MACROD2: variants seen among roughly 807,000 people sequenced by gnomAD.
MACROD2 encodes ADP-ribose glycohydrolase MACROD2.
In MACROD2, 36 loss-of-function variants were observed where a neutral mutation model predicts 70.4. The observed-to-expected ratio is 0.51, with a 90% confidence interval of 0.39 to 0.68. The LOEUF (loss-of-function observed/expected upper bound fraction) is 0.68. Among genes scored for constraint, MACROD2 ranks in the 30% least tolerant of loss-of-function variants. The pLI is 0.00. For missense variants in MACROD2, 496 were observed against 538.4 expected (o/e 0.92, Z 0.78); for synonymous variants, 172 against 178.8 (o/e 0.96, Z 0.30).
chr20:15,793,013 C>T (rs755214046), intron 8 of MACROD2, among the ~76,000 whole-genome samples: 5 of 151,990 alleles, frequency 3.3e-5, no homozygotes, highest in Admixed American at 1.3e-4. Context: ...AAACATGAAG[C>T]GTATCTCTAA....
intron 4 of MACROD2, among the ~76,000 whole-genome samples, chr20:14,642,738 G>C (rs935533830): frequency 1.3e-5 from 2 of 152,118 alleles, no homozygotes; most frequent in Non-Finnish European, 2.9e-5. Context: ...GGCTTTATTG[G>C]TGGTGCCCAA....
chr20:14,236,182 TGCTTAC>T (rs1461354528), intron 3 of MACROD2, among the ~76,000 whole-genome samples: 1 of 152,200 alleles, frequency 6.6e-6, no homozygotes, highest in East Asian at 1.9e-4. Flanking sequence ...GATTTGCTTG[TGCTTAC>T]GTCCTATAAT....
intron 8 of MACROD2, among the ~76,000 whole-genome samples, chr20:15,776,537 G>C (rs1568554872): frequency 6.6e-6 from 1 of 152,120 alleles, no homozygotes; most frequent in Non-Finnish European, 1.5e-5. Context: ...CGACACTCCA[G>C]ACCACCCAAA....
At chr20:14,734,225 G>C (rs950982628) in intron 5 of MACROD2, among the ~76,000 whole-genome samples, 1 of 151,980 alleles carries the variant, frequency 6.6e-6, no homozygotes, top group Non-Finnish European at 1.5e-5. Context: ...GGGGCCGGGC[G>C]TGGTGGCTCA....
Position 15,987,154 on chromosome 20 carries a change from A to C in MACROD2, c.1149A>C (p.Glu383Asp). Residue 383 changes from glutamate (E) to aspartate (D), a missense_variant, in exon 15 of 18, where the codon GAA becomes GAC. Transcript: ENST00000684519. ...LTEDQEEKEG[E>D]KAPGEDTPRM... ...AGGACCAAGAAGAAAAAGAAGGTGA[A>C]AAAGGTAGGACTGCTCTTAAATTAA... The C allele has an allele frequency of 6.2e-7, 1 of 1,609,296 alleles. No individual in the cohort carries two copies. The highest frequency in any genetic ancestry group is 1.1e-5 in the South Asian group (1 of 90,032).
At chr20:14,240,805 A>G (rs1368473377) in intron 3 of MACROD2, among the ~76,000 whole-genome samples, 1 of 152,174 alleles carries the variant, frequency 6.6e-6, no homozygotes, top group East Asian at 1.9e-4. Context: ...ACTTACCTAT[A>G]TGATAAACCT....
intron 6 of MACROD2, among the ~76,000 whole-genome samples, chr20:15,240,981 C>G (rs569098724): frequency 6.6e-6 from 1 of 152,166 alleles, no homozygotes; most frequent in Non-Finnish European, 1.5e-5. Flanking sequence ...TTGTTTAAGC[C>G]TCCTGGCCTA....
chr20:15,674,721 GTGTT>G (rs1260609140), intron 8 of MACROD2, among the ~76,000 whole-genome samples: 1 of 147,678 alleles, frequency 6.8e-6, no homozygotes, highest in African/African-American at 2.5e-5. Context: ...GCCAAAAAGT[GTGTT>G]TGTGTGTGTG....
intron 8 of MACROD2, among the ~76,000 whole-genome samples, chr20:15,670,217 G>A (rs1172176681): frequency 6.6e-6 from 1 of 152,198 alleles, no homozygotes. Flanking sequence ...AGAGTTAAAT[G>A]GCTACTTTTC....
rs140439285 is a variant in MACROD2 at position 15,722,377 on chromosome 20, T to C, written c.646-140368T>C. On this transcript the variant is annotated intron_variant, in intron 8 of 17. Transcript: ENST00000684519. ...GCAGTTTCACATCCTCACCGACATTTTGCTATTATCAGATTTTTAAAAATA... is the reference window on the plus strand; with the variant it reads ...GCAGTTTCACATCCTCACCGACATTCTGCTATTATCAGATTTTTAAAAATA... Among the ~76,000 whole-genome samples, 350 of 152,296 alleles carry C rather than the reference T, an allele frequency of 2.3e-3. 1 individual carries two copies. The highest frequency in any genetic ancestry group is 7.6e-3 in the African/African-American group (314 of 41,568).
chr20:15,572,900 C>T (rs558486083), intron 8 of MACROD2, among the ~76,000 whole-genome samples: 1 of 152,190 alleles, frequency 6.6e-6, no homozygotes, highest in East Asian at 1.9e-4. Context: ...TTTTTAACTA[C>T]AGAAAAATTC....
chr20:15,136,721 T>C (rs1291727839), intron 5 of MACROD2, among the ~76,000 whole-genome samples: 1 of 151,944 alleles, frequency 6.6e-6, no homozygotes, highest in African/African-American at 2.4e-5. Flanking sequence ...TGGGATCTAA[T>C]TAAACTAAAG....
In MACROD2 at chr20:14,042,783, C is replaced by T. The variant is rs758995105; in HGVS notation, c.163+40379C>T. On this transcript the variant is annotated intron_variant, in intron 2 of 17. Transcript: ENST00000684519. ...CCAAAGTGTTGAGATTATACGTGTG[C>T]GCCACCGCGTGTGGCTCCTCCAATT... 5.9e-5 allele frequency among the ~76,000 whole-genome samples: 9 copies of T among 152,128 alleles called. No homozygotes were observed. In the East Asian group the frequency reaches 1.2e-3, roughly 20 times the overall value.
chr20:14,702,665 ATATATATATACACATATATGTG>A (rs2071218891), intron 5 of MACROD2, among the ~76,000 whole-genome samples: 2 of 78,114 alleles, frequency 2.6e-5, no homozygotes, highest in African/African-American at 9.5e-5. Context: ...ATATATGTGT[ATATATATATACACATATATGTG>A]TATATATATG....
intron 5 of MACROD2, among the ~76,000 whole-genome samples, chr20:15,136,895 A>G (rs6079674): frequency 0.72 from 97,741 of 134,976 alleles, 35,812 homozygotes; most frequent in African/African-American, 0.76. Context: ...AAAAGTGGGC[A>G]AAGAATATGA....
chr20:15,233,407 T>A (rs1174962129), intron 6 of MACROD2, among the ~76,000 whole-genome samples: 1 of 152,082 alleles, frequency 6.6e-6, no homozygotes, highest in Admixed American at 6.5e-5. Context: ...GAGTAGGGTA[T>A]AAATAAATTT....
At chr20:16,004,832 C>A (rs1305614146) in intron 15 of MACROD2, among the ~76,000 whole-genome samples, 1 of 152,228 alleles carries the variant, frequency 6.6e-6, no homozygotes, top group East Asian at 1.9e-4. Context: ...AGCACAAGAG[C>A]GCCTGTCTGG....
chr20:14,993,958 T>G (rs973593751), intron 5 of MACROD2, among the ~76,000 whole-genome samples: 2 of 152,182 alleles, frequency 1.3e-5, no homozygotes, highest in African/African-American at 4.8e-5. Flanking sequence ...TTTTCAAAGT[T>G]TAATTGCACA....
intron 8 of MACROD2, among the ~76,000 whole-genome samples, chr20:15,774,897 C>T (rs1278174507): frequency 6.6e-6 from 1 of 152,104 alleles, no homozygotes; most frequent in Non-Finnish European, 1.5e-5. Flanking sequence ...CCTCTTCTCA[C>T]ACCCATTTAA....
Sources: gnomAD v4.1 joint callset for allele counts (sites outside exome capture counted in the v4.1 genomes callset) on GRCh38, gnomAD v4.1.1 for gene constraint, MANE v1.5 for transcripts, NCBI Gene and HGNC (gene_info 2026-07-23, HGNC 2026-07-21) for gene names.